MIA: variants seen among roughly 807,000 people sequenced by gnomAD.
MIA encodes melanoma-derived growth regulatory protein.
A neutral mutation model predicts 18.5 loss-of-function variants in MIA; 18 were observed. That is an observed-to-expected ratio of 0.97 (90% CI 0.67 to 1.44). The LOEUF (loss-of-function observed/expected upper bound fraction) is 1.44, where lower values mean the gene tolerates loss of function less well. MIA is among the 40% of genes most tolerant of loss of function. MIA has a pLI of 0.00. For synonymous variants in MIA, 55 were observed against 64.9 expected, an observed-to-expected ratio of 0.85 and a Z score of 0.74; for missense variants, 158 against 172.4, an observed-to-expected ratio of 0.92 and a Z score of 0.47.
At chr19:40,775,495 T>C, upstream of MIA, 1 of 1,611,108 alleles carries the variant, frequency 6.2e-7, no homozygotes. Flanking sequence ...GGGGAGGAAA[T>C]TGGAGACCCC....
Position 40,777,397 on chromosome 19 carries a change from A to C in MIA, c.373A>C (p.Lys125Gln). 6.2e-7 allele frequency: 1 copy of C among 1,613,866 alleles called. No individual in the cohort carries two copies. The highest frequency in any genetic ancestry group is 8.5e-7 in the Non-Finnish European group (1 of 1,179,966). The stretch of plus-strand genomic sequence containing the variant: ...ACTGTTTCCCCTTTCTCTTTTTCAG[A>C]AATGGGATTTCTACTGCCAGTGAGC... ...KPGKVDVKTD[K>Q]WDFYCQ The change falls in exon 4 of 4, where the codon AAA (lysine) becomes CAA (glutamine). Residue 125 changes from lysine (K) to glutamine (Q), a missense_variant and splice_region_variant. Lys to Gln is a moderately conservative substitution (Grantham distance 53). Transcript: ENST00000263369.
intron 3 of MIA, 130 bp downstream of exon 3, chr19:40,777,209 C>T: frequency 9.2e-7 from 1 of 1,082,996 alleles, no homozygotes. Context: ...CTTTCCCTGC[C>T]TCAATTTTCT....
upstream of MIA, chr19:40,775,202 A>G: frequency 4.3e-6 from 1 of 234,354 alleles, no homozygotes; most frequent in Non-Finnish European, 8.4e-6. Flanking sequence ...GGGACAGCGG[A>G]GGAGCCCAGG....
At chr19:40,777,278 G>A in intron 3 of MIA, 119 bp from the exon 4 acceptor site, 1 of 1,260,952 alleles carries the variant, frequency 7.9e-7, no homozygotes, top group Non-Finnish European at 1.2e-6. Flanking sequence ...AGGCTAATTT[G>A]CATAGCACTT....
intron 2 of MIA, among the ~76,000 whole-genome samples, chr19:40,776,537 C>T (rs188728621): frequency 6.6e-5 from 10 of 151,976 alleles, no homozygotes; most frequent in African/African-American, 1.9e-4. Flanking sequence ...CCCAGGAGTT[C>T]GAGACCAGCC....
Position 40,775,903 on chromosome 19 carries a change from G to A in MIA, c.261+18G>A. On this transcript the variant is annotated intron_variant, in intron 2 of 3. Coordinates refer to ENST00000263369, the MANE Select transcript of MIA (RefSeq NM_006533.4). ...GAGGCAGCGTGAGTCTTGGGAGAGT[G>A]AAAGAGGGAAGGGTACAGAGCTGGG... The A allele has an allele frequency of 6.2e-7, 1 of 1,613,654 alleles. No individual in the cohort carries two copies. The highest frequency in any genetic ancestry group is 2.2e-5 in the East Asian group (1 of 44,868).
At position 40,777,381 on chromosome 19, in the gene MIA, CCTTT is replaced by C; in HGVS notation, c.373-13_373-10del. On this transcript the variant is annotated splice_polypyrimidine_tract_variant and intron_variant, in intron 3 of 3. Coordinates refer to ENST00000263369, the MANE Select transcript of MIA (RefSeq NM_006533.4). ...CGCTGGTTTTCTTTCCACTGTTTCC[CCTTT>C]CTCTTTTTCAGAAATGGGATTTCTA... 1.2e-6 allele frequency: 2 copies of C among 1,613,862 alleles called. No individual in the cohort carries two copies. Among genetic ancestry groups the C allele is most frequent in the Non-Finnish European group, 1.7e-6 (2 of 1,179,894 alleles).
intron 1 of MIA, 35 bp from the exon 2 acceptor site, chr19:40,775,717 G>A: frequency 6.2e-7 from 1 of 1,614,106 alleles, no homozygotes; most frequent in Non-Finnish European, 8.5e-7. Flanking sequence ...TAGCCTGTGT[G>A]GAGGGTGCTG....
intron 3 of MIA, 36 bp downstream of exon 3, chr19:40,777,115 G>A (rs1223298489): frequency 1.3e-6 from 2 of 1,571,176 alleles, no homozygotes; most frequent in Admixed American, 1.7e-5. Flanking sequence ...AATGTGGGGG[G>A]AGGACCCTTA....
chr19:40,775,403 T>C (rs1312583955), upstream of MIA: 5 of 1,285,808 alleles, frequency 3.9e-6, no homozygotes, highest in African/African-American at 7.4e-5. Context: ...AACTTCTAGG[T>C]GGTGTGGGCG....
At chr19:40,775,206 G>C (rs2082987303), upstream of MIA, 1 of 248,114 alleles carries the variant, frequency 4.0e-6, no homozygotes, top group Non-Finnish European at 7.9e-6. Flanking sequence ...CAGCGGAGGA[G>C]CCCAGGTACC....
Position 40,777,024 on chromosome 19 carries a change from G to T in MIA, c.317G>T (p.Ser106Ile). The change falls in exon 3 of 4, where the codon AGC becomes ATC. Residue 106 changes from serine to isoleucine, a missense_variant. Physicochemically the swap from Ser to Ile is moderately radical, Grantham distance 142. Coordinates refer to ENST00000263369, the MANE Select transcript of MIA (RefSeq NM_006533.4). ...LAARLGYFPS[S>I]IVREDQTLKP... ...GCTCGCCTGGGCTATTTCCCCAGTA[G>T]CATTGTCCGAGAGGACCAGACCCTG... 1 of 1,613,816 alleles carries T rather than the reference G, an allele frequency of 6.2e-7. No individual in the cohort carries two copies.
At chr19:40,775,715 G>A (rs1258472363) in intron 1 of MIA, 37 bp from the exon 2 acceptor site, 2 of 1,614,042 alleles carry the variant, frequency 1.2e-6, no homozygotes, top group African/African-American at 2.7e-5. Flanking sequence ...GTTAGCCTGT[G>A]TGGAGGGTGC....
At chr19:40,776,682 C>T (rs1357949378) in intron 2 of MIA, 3 of 248,086 alleles carry the variant, frequency 1.2e-5, no homozygotes, top group African/African-American at 4.6e-5. Flanking sequence ...GTTGAGGCTG[C>T]AGTGAGCCGT....
intron 2 of MIA, 111 bp from the exon 3 acceptor site, chr19:40,776,858 C>T (rs1030585714): frequency 1.5e-6 from 1 of 688,886 alleles, no homozygotes; most frequent in African/African-American, 1.8e-5. Flanking sequence ...ATTCATATGA[C>T]AAGGATGGAG....
rs368147663 is a variant in MIA at position 40,777,349 on chromosome 19, G to C, written c.373-48G>C. On this transcript the variant is annotated intron_variant, in intron 3 of 3. Coordinates refer to ENST00000263369, the MANE Select transcript of MIA (RefSeq NM_006533.4). ...TGCTAAAACCACTAGATCCTTTGTG[G>C]TGTGACCGCTGGTTTTCTTTCCACT... 1.3e-4 allele frequency: 207 copies of C among 1,608,782 alleles called. No homozygotes were observed. In the African/African-American group the frequency reaches 2.5e-3, roughly 19 times the overall value.
At chr19:40,777,206 T>C in intron 3 of MIA, 127 bp downstream of exon 3, 1 of 1,100,422 alleles carries the variant, frequency 9.1e-7, no homozygotes, top group Non-Finnish European at 1.4e-6. Context: ...ATTCTTTCCC[T>C]GCCTCAATTT....
At chr19:40,775,213 T>C (rs1193055986), upstream of MIA, 1 of 254,900 alleles carries the variant, frequency 3.9e-6, no homozygotes, top group African/African-American at 2.2e-5. Flanking sequence ...GGAGCCCAGG[T>C]ACCTAAGCCA....
chr19:40,777,110 G>C lies in MIA; in HGVS notation c.372+31G>C, dbSNP rs371537565. The C allele has an allele frequency of 6.4e-6, 10 of 1,574,684 alleles. No homozygotes were observed. In the Admixed American group the frequency reaches 6.8e-5, roughly 11 times the overall value. On this transcript the variant is annotated intron_variant, in intron 3 of 3. Coordinates refer to ENST00000263369, the MANE Select transcript of MIA (RefSeq NM_006533.4). ...TGTCATGGGGGCTGGCAAGAAATGT[G>C]GGGGGAGGACCCTTAGGTTGTGGGG...
Sources: allele counts gnomAD v4.1 joint callset (sites outside exome capture counted in the v4.1 genomes callset), GRCh38; gene constraint gnomAD v4.1.1; transcripts MANE v1.5; gene names NCBI Gene and HGNC (gene_info 2026-07-23, HGNC 2026-07-21).